The following MAGI2 variants were observed in gnomAD, a reference collection of about 807,000 sequenced individuals.
MAGI2 encodes membrane-associated guanylate kinase, WW and PDZ domain-containing protein 2.
In MAGI2, 35 loss-of-function variants were observed where a neutral mutation model predicts 133.3. That is an observed-to-expected ratio of 0.26 (90% CI 0.20 to 0.35). MAGI2 has a LOEUF of 0.35. MAGI2 is among the 10% of genes least tolerant of loss of function. The pLI is 1.00. For synonymous variants in MAGI2, 729 were observed against 710.6 expected (o/e 1.03, Z -0.41); for missense variants, 1,636 against 1,863.4 (o/e 0.88, Z 2.25).
At chr7:79,327,754 G>A (rs1313642312) in intron 1 of MAGI2, among the ~76,000 whole-genome samples, 6 of 151,842 alleles carry the variant, frequency 4.0e-5, no homozygotes, top group African/African-American at 1.5e-4. Context: ...TCTTTAGATG[G>A]AATTTGTAAA....
intron 2 of MAGI2, among the ~76,000 whole-genome samples, chr7:78,676,084 A>G (rs909045591): frequency 2.0e-5 from 3 of 152,186 alleles, no homozygotes; most frequent in Non-Finnish European, 4.4e-5. Flanking sequence ...AATGCCATAT[A>G]TTCAGTAATA....
chr7:78,615,391 A>T (rs865922239), intron 3 of MAGI2: 25 of 152,218 alleles, frequency 1.6e-4, no homozygotes, highest in African/African-American at 6.0e-4. Context: ...CTCCAGGGAA[A>T]CCAGATGGCT....
intron 1 of MAGI2, among the ~76,000 whole-genome samples, chr7:79,077,594 A>AAAAAAAAAAG (rs1815634530): frequency 1.9e-5 from 1 of 53,604 alleles, no homozygotes. Context: ...AAAAAAAAAA[A>AAAAAAAAAAG]ATAAATAAAT....
At chr7:78,642,514 C>A (rs1405786821) in intron 2 of MAGI2, among the ~76,000 whole-genome samples, 2 of 152,002 alleles carry the variant, frequency 1.3e-5, no homozygotes, top group African/African-American at 4.8e-5. Context: ...CATTTAGGAG[C>A]CCTCAATTTT....
rs918912059 is a variant in MAGI2 at position 79,167,410 on chromosome 7, A to C, written c.302-160204T>G. On this transcript the variant is annotated intron_variant, in intron 1 of 21. Transcript: ENST00000354212. ...CCCCAAAAATGGCAAAAAAAAAAAAAAAAAAAAACTCCAGGCAAAACATCA... is the reference window on the plus strand; with the variant it reads ...CCCCAAAAATGGCAAAAAAAAAAAACAAAAAAAACTCCAGGCAAAACATCA... Among the ~76,000 whole-genome samples the C allele has an allele frequency of 8.6e-5, 13 of 151,458 alleles. 1 individual carries two copies. Among genetic ancestry groups the C allele is most frequent in the African/African-American group, 2.7e-4 (11 of 41,428 alleles).
At chr7:79,170,725 AT>A (rs965184724) in intron 1 of MAGI2, among the ~76,000 whole-genome samples, 6 of 152,096 alleles carry the variant, frequency 3.9e-5, no homozygotes, top group African/African-American at 1.4e-4. Flanking sequence ...TGCCATTGAG[AT>A]TCTTAAAATT....
At chr7:79,344,217 T>TAA (rs35800680) in intron 1 of MAGI2, among the ~76,000 whole-genome samples, 3 of 149,186 alleles carry the variant, frequency 2.0e-5, no homozygotes, top group African/African-American at 7.4e-5. Context: ...CTTCACTGGT[T>TAA]AAAAAAAAAA....
intron 1 of MAGI2, among the ~76,000 whole-genome samples, chr7:79,229,243 A>C (rs752461291): frequency 1.3e-5 from 2 of 152,030 alleles, no homozygotes; most frequent in Non-Finnish European, 2.9e-5. Flanking sequence ...TTCTGACGTG[A>C]TATCTCACAT....
At chr7:78,262,918 A>G (rs1793648938) in intron 9 of MAGI2, among the ~76,000 whole-genome samples, 1 of 152,140 alleles carries the variant, frequency 6.6e-6, no homozygotes, top group Non-Finnish European at 1.5e-5. Flanking sequence ...GACTGATCCC[A>G]TCGCCCAGGT....
intron 10 of MAGI2, among the ~76,000 whole-genome samples, chr7:78,225,886 A>G (rs574409676): frequency 5.9e-5 from 9 of 152,272 alleles, no homozygotes; most frequent in African/African-American, 1.7e-4. Context: ...GTTTTCTGCA[A>G]TTCTTTGCTC....
intron 2 of MAGI2, among the ~76,000 whole-genome samples, chr7:78,861,610 G>T (rs1432762760): frequency 1.3e-5 from 2 of 152,234 alleles, no homozygotes; most frequent in East Asian, 3.9e-4. Context: ...CCATTCACTA[G>T]TGATGTCATC....
chr7:78,396,460 C>G (rs1009017790), intron 6 of MAGI2, among the ~76,000 whole-genome samples: 2 of 152,128 alleles, frequency 1.3e-5, no homozygotes, highest in African/African-American at 4.8e-5. Flanking sequence ...TTACTTGGAA[C>G]GTTCTTCCTT....
intron 1 of MAGI2, among the ~76,000 whole-genome samples, chr7:79,188,182 G>T (rs1227976435): frequency 6.6e-6 from 1 of 151,772 alleles, no homozygotes; most frequent in Non-Finnish European, 1.5e-5. Context: ...AGGTAAACAT[G>T]TGCCATGGTG....
intron 15 of MAGI2, 72 bp from the exon 16 acceptor site, chr7:78,160,345 G>A (rs1245573594): frequency 1.3e-5 from 19 of 1,465,862 alleles, no homozygotes; most frequent in Non-Finnish European, 1.6e-5. Flanking sequence ...TATGTACTAG[G>A]CACTGTTCTA....
chr7:78,573,066 TATATATATATAC>T (rs1474098875), intron 3 of MAGI2, among the ~76,000 whole-genome samples: 969 of 89,580 alleles, frequency 0.011, 11 homozygotes, highest in South Asian at 0.021. Context: ...TATATATATA[TATATATATATAC>T]ACACACACAC....
At chr7:78,078,786 GTATGTGTGTGTGTGTGTGTGTGTGTGTA>G in intron 21 of MAGI2, 133 bp downstream of exon 21, 1 of 705,714 alleles carries the variant, frequency 1.4e-6, no homozygotes, top group Non-Finnish European at 2.4e-6. Context: ...GTGTGTGTGT[GTATGTGTGTGTGTGTGTGTGTGTGTGTA>G]TATATATACC....
chr7:78,083,773 T>C (rs1316524834), intron 20 of MAGI2, among the ~76,000 whole-genome samples: 1 of 152,244 alleles, frequency 6.6e-6, no homozygotes, highest in Non-Finnish European at 1.5e-5. Flanking sequence ...TTGAACTTGC[T>C]TGGGGCTTTC....
At chr7:78,771,101 T>C (rs934468930) in intron 2 of MAGI2, 3 of 152,212 alleles carry the variant, frequency 2.0e-5, no homozygotes, top group African/African-American at 7.2e-5. Context: ...CTCTCAAAGA[T>C]GAAGCATGCA....
chr7:78,318,709 G>A (rs1033761880), intron 9 of MAGI2, among the ~76,000 whole-genome samples: 2 of 152,152 alleles, frequency 1.3e-5, no homozygotes, highest in Non-Finnish European at 2.9e-5. Flanking sequence ...AATGTTAAGG[G>A]CAGCCAAAGA....
Sources: gnomAD v4.1 joint callset for allele counts (sites outside exome capture counted in the v4.1 genomes callset) on GRCh38, gnomAD v4.1.1 for gene constraint, MANE v1.5 for transcripts, NCBI Gene and HGNC (gene_info 2026-07-23, HGNC 2026-07-21) for gene names.